Variants in PPIP5K2 observed in about 807,000 individuals in gnomAD.
PPIP5K2 encodes the protein diphosphoinositol pentakisphosphate kinase 2.
A neutral mutation model predicts 154.6 loss-of-function variants in PPIP5K2; 105 were observed. That is an observed-to-expected ratio of 0.68 (90% confidence interval 0.58 to 0.80). The LOEUF (loss-of-function observed/expected upper bound fraction) is 0.80, where lower values mean the gene tolerates loss of function less well. Ranked by LOEUF, PPIP5K2 falls within the 30% of genes least tolerant of loss-of-function variation. The pLI is 0.00. For missense variants in PPIP5K2, 992 were observed against 1,504.6 expected, an observed-to-expected ratio of 0.66 and a Z score of 5.64; for synonymous variants, 480 against 490.3, an observed-to-expected ratio of 0.98 and a Z score of 0.28.
chr5:103,210,711 C>T lies in PPIP5K2; in HGVS notation c.*9077C>T, dbSNP rs1803760596. 1 of 152,006 alleles carries T rather than the reference C, an allele frequency of 6.6e-6. No homozygotes were observed. The highest frequency in any genetic ancestry group is 1.5e-5 in the Non-Finnish European group (1 of 67,964). 9.4% of individuals were successfully genotyped at this position (152,006 alleles called of 1,614,324 possible). A position where few individuals can be genotyped will look rare whatever the true frequency, so the allele number is the denominator to read the frequency against. On this transcript the variant is annotated 3_prime_UTR_variant, in exon 31 of 31. Transcript: ENST00000358359. The stretch of plus-strand genomic sequence containing the variant: ...TCCCATTATCATGCTCTGTTGTTCC[C>T]TGGATGCTCTTTTGAGGAATTTACT...
intron 16 of PPIP5K2, among the ~76,000 whole-genome samples, chr5:103,158,784 C>T (rs2149609131): frequency 6.6e-6 from 1 of 151,974 alleles, no homozygotes; most frequent in Non-Finnish European, 1.5e-5. Context: ...TAAAAATTAG[C>T]CAGGTGTAGT....
At chr5:103,197,130 G>GT (rs1160819509) in intron 30 of PPIP5K2, among the ~76,000 whole-genome samples, 3 of 151,898 alleles carry the variant, frequency 2.0e-5, no homozygotes, top group Non-Finnish European at 4.4e-5. Flanking sequence ...CTGGTCTGTA[G>GT]TTTTTTTTGT....
At chr5:103,184,788 T>A (rs782467945) in intron 26 of PPIP5K2, 44 bp downstream of exon 26, 1 of 1,481,048 alleles carries the variant, frequency 6.8e-7, no homozygotes, top group African/African-American at 1.4e-5. Context: ...CTTCTTAAAC[T>A]CACTATTGTG....
chr5:103,158,363 T>C, intron 15 of PPIP5K2, 50 bp downstream of exon 15: 8 of 1,596,748 alleles, frequency 5.0e-6, no homozygotes, highest in Non-Finnish European at 6.8e-6. Context: ...AATTGTATTT[T>C]GAAATCCTCA....
chr5:103,124,190 G>T (rs1354752118), intron 1 of PPIP5K2, among the ~76,000 whole-genome samples: 1 of 150,816 alleles, frequency 6.6e-6, no homozygotes, highest in Non-Finnish European at 1.5e-5. Flanking sequence ...TGAGGCAGGA[G>T]AATGGTGTGA....
intron 30 of PPIP5K2, among the ~76,000 whole-genome samples, chr5:103,196,518 C>T (rs782297285): frequency 4.6e-5 from 7 of 152,110 alleles, no homozygotes; most frequent in African/African-American, 1.7e-4. Flanking sequence ...TATTAATTCT[C>T]ATAGTTCTCA....
intron 28 of PPIP5K2, 120 bp downstream of exon 28, chr5:103,187,496 C>T (rs1044708689): frequency 1.6e-5 from 12 of 736,590 alleles, no homozygotes; most frequent in East Asian, 5.8e-5. Flanking sequence ...TGTCAATTGG[C>T]GTACAATTCC....
intron 5 of PPIP5K2, among the ~76,000 whole-genome samples, chr5:103,140,789 A>G (rs1485490996): frequency 6.7e-6 from 1 of 149,324 alleles, no homozygotes; most frequent in Non-Finnish European, 1.5e-5. Context: ...GTGAGCGGAG[A>G]TCGCGCCACA....
At chr5:103,182,763 A>G (rs1467752273) in intron 24 of PPIP5K2, among the ~76,000 whole-genome samples, 1 of 152,180 alleles carries the variant, frequency 6.6e-6, no homozygotes, top group Non-Finnish European at 1.5e-5. Context: ...AGTTATGTAT[A>G]TTGAAATCCC....
At position 103,203,669 on chromosome 5, in the gene PPIP5K2, G is replaced by A. The variant is rs1362675906; in HGVS notation, c.*2035G>A. 1 of 152,092 alleles carries A rather than the reference G, an allele frequency of 6.6e-6. No homozygotes were observed. Among genetic ancestry groups the A allele is most frequent in the Non-Finnish European group, 1.5e-5 (1 of 68,020 alleles). The allele number at this position is 152,092 out of a possible 1,614,324, so 9.4% of individuals were successfully genotyped here. A position where few individuals can be genotyped will look rare whatever the true frequency, so the allele number is the denominator to read the frequency against. Reference sequence around the variant, plus strand: ...AGAGCCCAGTCCTCCATCCCAAAGAGGTGAACTAGCCCAGCATGAAGAATT... The same window carrying A: ...AGAGCCCAGTCCTCCATCCCAAAGAAGTGAACTAGCCCAGCATGAAGAATT... On this transcript the variant is annotated 3_prime_UTR_variant, in exon 31 of 31. Transcript: ENST00000358359.
chr5:103,162,547 G>C (rs1796462775), intron 17 of PPIP5K2, among the ~76,000 whole-genome samples: 1 of 151,762 alleles, frequency 6.6e-6, no homozygotes, highest in African/African-American at 2.4e-5. Flanking sequence ...AATTTTTGTA[G>C]AGACTGGGTC....
chr5:103,148,695 G>A (rs26522), intron 7 of PPIP5K2, among the ~76,000 whole-genome samples: 59,852 of 151,644 alleles, frequency 0.39, 12,489 homozygotes, highest in African/African-American at 0.52. Context: ...ATAACTTGCC[G>A]ATACCTGAAT....
chr5:103,197,149 T>C (rs930578867), intron 30 of PPIP5K2, among the ~76,000 whole-genome samples: 10 of 152,168 alleles, frequency 6.6e-5, no homozygotes, highest in Admixed American at 5.2e-4. Flanking sequence ...GTTTCTGTTT[T>C]TGTAATGCCT....
chr5:103,194,659 C>T, intron 29 of PPIP5K2: 1 of 289,026 alleles, frequency 3.5e-6, no homozygotes, highest in Non-Finnish European at 6.5e-6. Context: ...CTTGGCATTC[C>T]TTTGGTGCAT....
At chr5:103,158,344 A>G (rs370131831) in intron 15 of PPIP5K2, 31 bp downstream of exon 15, 1 of 1,597,706 alleles carries the variant, frequency 6.3e-7, no homozygotes, top group Non-Finnish European at 8.5e-7. Flanking sequence ...TAATTTGACT[A>G]ATTTCATAAA....
In PPIP5K2 at chr5:103,205,278, A is replaced by C. The variant is rs1554232019; in HGVS notation, c.*3644A>C. The C allele has an allele frequency of 6.6e-6, 1 of 152,230 alleles. No individual in the cohort carries two copies. The highest frequency in any genetic ancestry group is 1.5e-5 in the Non-Finnish European group (1 of 68,030). The allele number at this position is 152,230 out of a possible 1,614,324, so 9.4% of individuals were successfully genotyped here. ...TCTGGGTTGGTCCCAAGTCTTTGCT[A>C]TTGTGAATAGTGCCACAATAAACAT... On this transcript the variant is annotated 3_prime_UTR_variant, in exon 31 of 31. Coordinates refer to ENST00000358359, the MANE Select transcript of PPIP5K2 (RefSeq NM_001276277.3).
At position 103,183,133 on chromosome 5, in the gene PPIP5K2, T is replaced by C. The variant is rs1446390660; in HGVS notation, c.2923-101T>C. ...ATGAACAAACTGTATTTTTTTTTCT[T>C]TCTGATCATTTGGCTCTGTTGTATC... On this transcript the variant is annotated intron_variant, in intron 24 of 30. Transcript: ENST00000358359. The C allele has an allele frequency of 5.8e-6, 6 of 1,043,194 alleles. No homozygotes were observed. The East Asian group carries it at 1.3e-4, about 23-fold the overall frequency. The allele number at this position is 1,043,194 out of a possible 1,614,324, so 64.6% of individuals were successfully genotyped here.
chr5:103,186,189 T>C, intron 26 of PPIP5K2, 131 bp from the exon 27 acceptor site: 1 of 1,054,640 alleles, frequency 9.5e-7, no homozygotes, highest in East Asian at 2.6e-5. Flanking sequence ...AAGAATATTG[T>C]GAGCCTGTTC....
In PPIP5K2 at chr5:103,152,753, A is replaced by G. The variant is rs893410356; in HGVS notation, c.1130+4A>G. 1 of 1,518,166 alleles carries G rather than the reference A, an allele frequency of 6.6e-7. No individual in the cohort carries two copies. Among genetic ancestry groups the G allele is most frequent in the Non-Finnish European group, 9.1e-7 (1 of 1,099,370 alleles). The allele number at this position is 1,518,166 out of a possible 1,614,324, so 94.0% of individuals were successfully genotyped here. A position where few individuals can be genotyped will look rare whatever the true frequency, so the allele number is the denominator to read the frequency against. On this transcript the variant is annotated splice_donor_region_variant and intron_variant, in intron 10 of 30. Coordinates refer to ENST00000358359, the MANE Select transcript of PPIP5K2 (RefSeq NM_001276277.3). ...TACCAACTACATCTGGAACTATGTA[A>G]GTCTGAATTATTTTCATTTAGAAAT... is the stretch of plus-strand genomic sequence containing the variant.
Sources: gnomAD v4.1 joint callset for allele counts (sites outside exome capture counted in the v4.1 genomes callset) on GRCh38, gnomAD v4.1.1 for gene constraint, MANE v1.5 for transcripts, NCBI Gene and HGNC (gene_info 2026-07-23, HGNC 2026-07-21) for gene names.